The following DNHD1 variants were observed in gnomAD, a reference collection of about 807,000 sequenced individuals.
DNHD1 encodes the protein dynein heavy chain domain 1, also known as dynein heavy chain domain-containing protein 1.
In DNHD1, 383 loss-of-function variants were observed where a neutral mutation model predicts 458.1. The observed-to-expected ratio is 0.84, with a 90% CI of 0.77 to 0.91. The LOEUF is 0.91. DNHD1 is among the 40% of genes least tolerant of loss of function. DNHD1 has a pLI of 0.00. For missense variants in DNHD1, 5,336 were observed against 5,866.1 expected, an observed-to-expected ratio of 0.91 and a Z score of 2.95; for synonymous variants, 2,203 against 2,376.9, an observed-to-expected ratio of 0.93 and a Z score of 2.13.
At position 6,570,488 on chromosome 11, in the gene DNHD1, G is replaced by A. The variant is rs1376191873; in HGVS notation, c.13105+92G>A. The A allele has an allele frequency of 2.0e-6, 3 of 1,488,992 alleles. No individual in the cohort carries two copies. The African/African-American group carries it at 4.2e-5, about 21-fold the overall frequency. 92.2% of individuals were successfully genotyped at this position (1,488,992 alleles called of 1,614,324 possible). On this transcript the variant is annotated intron_variant, in intron 41 of 42. Transcript: ENST00000254579. Reference sequence around the variant, plus strand: ...AATGTGGACAGCAGTCTCAATAAAGGTATATGAGGGGGTAATATTCATACT... The same window carrying A: ...AATGTGGACAGCAGTCTCAATAAAGATATATGAGGGGGTAATATTCATACT...
At chr11:6,502,991 C>T (rs1852168305) in intron 4 of DNHD1, 65 bp downstream of exon 4, 1 of 1,570,994 alleles carries the variant, frequency 6.4e-7, no homozygotes, top group South Asian at 1.2e-5. Context: ...CTATCTTCCC[C>T]CTCCTCTTTC....
At chr11:6,539,739 C>T (rs979603183) in intron 17 of DNHD1, 137 bp from the exon 18 acceptor site, 16 of 766,872 alleles carry the variant, frequency 2.1e-5, no homozygotes, top group South Asian at 5.3e-5. Flanking sequence ...GTCCCACTCT[C>T]GCTTCATCTC....
Position 6,563,995 on chromosome 11 carries a change from G to A in DNHD1, c.10155G>A (p.Val3385=). 1.3e-6 allele frequency: 2 copies of A among 1,551,772 alleles called. No homozygotes were observed. Among genetic ancestry groups the A allele is most frequent in the East Asian group, 2.4e-5 (1 of 40,918 alleles). The stretch of plus-strand genomic sequence containing the variant: ...ATAATTTGGCCCTGGCTAAGATGGT[G>A]GAGGATGCCCAAGCTTCCCACAACT... The part of the protein sequence containing the change: ...LEHNLALAKM[V]EDAQASHNCV... The change falls in exon 31 of 43, where the codon GTG becomes GTA. Residue 3385 remains valine (V), a synonymous_variant. Transcript: ENST00000254579.
intron 24 of DNHD1, 69 bp from the exon 25 acceptor site, chr11:6,556,614 A>G: frequency 7.1e-7 from 1 of 1,411,308 alleles, no homozygotes; most frequent in Non-Finnish European, 9.5e-7. Context: ...TGGCAGGAAT[A>G]GAGGGAACAG....
rs777555724 is a variant in DNHD1, at chr11:6,546,920, C to T, written c.5981C>T (p.Ala1994Val). 103 of 1,551,378 alleles carry T rather than the reference C, an allele frequency of 6.6e-5. 1 individual carries two copies. Among genetic ancestry groups the T allele is most frequent in the Middle Eastern group, 1.7e-4 (1 of 6,014 alleles). ...RASGILLLGP[A>V]GSGKTTCWHS... ...TCAGGCATTCTGCTCCTGGGCCCTG[C>T]GGGCAGCGGCAAGACCACTTGTTGG... Residue 1994 changes from alanine to valine, a missense_variant, in exon 21 of 43, where the codon GCG (alanine) becomes GTG (valine). Around this residue, in one of 4 missense-constraint regions of DNHD1, gnomAD observed 3,932 missense variants for 4,365.6 expected, o/e 0.90. Coordinates refer to ENST00000254579, the MANE Select transcript of DNHD1 (RefSeq NM_144666.3).
intron 25 of DNHD1, 37 bp from the exon 26 acceptor site, chr11:6,558,448 G>T (rs1853516451): frequency 6.5e-7 from 1 of 1,549,668 alleles, no homozygotes; most frequent in Admixed American, 2.0e-5. Context: ...GCAAGCAAAG[G>T]TAAAGGGGAG....
At position 6,547,117 on chromosome 11, in the gene DNHD1, C is replaced by T. The variant is rs377594129; in HGVS notation, c.6178C>T (p.Arg2060Cys). 21 of 1,551,620 alleles carry T rather than the reference C, an allele frequency of 1.4e-5. No homozygotes were observed. Among genetic ancestry groups the T allele is most frequent in the Non-Finnish European group, 1.7e-5 (19 of 1,147,018 alleles). The change falls in exon 21 of 43, where the codon CGT (arginine) becomes TGT (cysteine). Residue 2060 changes from arginine (R) to cysteine (C), a missense_variant. Transcript: ENST00000254579. ...WHHGIFPKVL[R>C]AAGQCNNMGQ... ...TCATGGCATCTTTCCCAAGGTACTT[C>T]GTGCAGCCGGTCAGTGTAACAACAT...
intron 10 of DNHD1, among the ~76,000 whole-genome samples, chr11:6,521,397 C>A (rs545439528): frequency 1.1e-4 from 17 of 152,246 alleles, no homozygotes; most frequent in African/African-American, 4.1e-4. Context: ...CAACCTCTTG[C>A]ATTTTTATTC....
Position 6,570,764 on chromosome 11 carries a change from C to A in DNHD1, c.13252C>A (p.Gln4418Lys). ...GAGTCGCGCTCTCTTGAGTGCGCTG[C>A]AGCGGAGTTCACCCGTGTGGGTTCC... ...RQSRALLSAL[Q>K]RSSPVWVPES... Residue 4418 changes from glutamine (Q) to lysine (K), a missense_variant, in exon 42 of 43, where the codon CAG becomes AAG. Gln to Lys is a moderately conservative substitution (Grantham distance 53, BLOSUM62 1). Coordinates refer to ENST00000254579, the MANE Select transcript of DNHD1 (RefSeq NM_144666.3). 2 of 1,612,748 alleles carry A rather than the reference C, an allele frequency of 1.2e-6. No homozygotes were observed. Among genetic ancestry groups the A allele is most frequent in the Non-Finnish European group, 1.7e-6 (2 of 1,179,358 alleles).
Position 6,548,795 on chromosome 11 carries a change from T to G in DNHD1, c.7249T>G (p.Phe2417Val). 1 of 1,551,648 alleles carries G rather than the reference T, an allele frequency of 6.4e-7. No homozygotes were observed. Among genetic ancestry groups the G allele is most frequent in the South Asian group, 1.2e-5 (1 of 84,056 alleles). ...CATATACAGCCCCATCCACCCTGCC[T>G]TCAGTTCCTCCCACCTCCGTCTCCT... ...PYIYSPIHPA[F>V]SSSHLRLLLS... The change falls in exon 24 of 43, where the codon TTC becomes GTC. Residue 2417 changes from phenylalanine (F) to valine (V), a missense_variant. Transcript: ENST00000254579. This position sits in a 1 kb window ranked among gnomAD's most constrained non-coding sequence, Gnocchi z 4.4.
chr11:6,514,006 A>G (rs1184169067), intron 7 of DNHD1, among the ~76,000 whole-genome samples: 5 of 151,534 alleles, frequency 3.3e-5, no homozygotes, highest in African/African-American at 9.7e-5. Flanking sequence ...ACCACGCCCG[A>G]CTAATTTTTT....
At position 6,504,798 on chromosome 11, in the gene DNHD1, CA is replaced by C. The variant is rs1852198013; in HGVS notation, c.920+1873del. ...TCTTCATAACCCTGAGAGATACCAA[CA>C]CCAGCTGGTAGCCCCTTTCCTTCAG... On this transcript the variant is annotated intron_variant, in intron 4 of 42. Transcript: ENST00000254579. 2.0e-5 allele frequency among the ~76,000 whole-genome samples: 3 copies of C among 152,172 alleles called. No homozygotes were observed. In the South Asian group the frequency reaches 6.2e-4, roughly 32 times the overall value.
chr11:6,520,098 T>C lies in DNHD1; in HGVS notation c.1781T>C (p.Leu594Ser), dbSNP rs747712194. Residue 594 changes from leucine (L) to serine (S), a missense_variant, in exon 9 of 43, where the codon TTG becomes TCG. By Grantham distance (145) the Leu-to-Ser change is moderately radical. Around this residue, in one of 4 missense-constraint regions of DNHD1, gnomAD observed 3,932 missense variants for 4,365.6 expected, o/e 0.90. Coordinates refer to ENST00000254579, the MANE Select transcript of DNHD1 (RefSeq NM_144666.3). ...CTACAGTCTGTCAAGACCTCTGCCTTGCAGGTATTCTGAATTGGGCAGAGA... is the reference window on the plus strand; with the variant it reads ...CTACAGTCTGTCAAGACCTCTGCCTCGCAGGTATTCTGAATTGGGCAGAGA... ...GGLQSVKTSA[L>S]QVVQSADLKT... 11 of 1,614,092 alleles carry C rather than the reference T, an allele frequency of 6.8e-6. No individual in the cohort carries two copies. The highest frequency in any genetic ancestry group is 1.7e-5 in the Admixed American group (1 of 60,000).
Position 6,570,709 on chromosome 11 carries a change from G to T in DNHD1, c.13197G>T (p.Glu4399Asp). Residue 4399 changes from glutamate (E) to aspartate (D), a missense_variant, in exon 42 of 43, where the codon GAG (glutamate) becomes GAT (aspartate). Transcript: ENST00000254579. ...AACCCCGGCTCTGCGGACTGAGTGA[G>T]GGCCCCCAAGCCTGGCTGTTGCGAC... ...PPEPRLCGLSEGPQAWLLRRQ... is the reference protein window; with the variant it reads ...PPEPRLCGLSDGPQAWLLRRQ... 1 of 1,611,100 alleles carries T rather than the reference G, an allele frequency of 6.2e-7. No individual in the cohort carries two copies. Among genetic ancestry groups the T allele is most frequent in the South Asian group, 1.1e-5 (1 of 90,452 alleles).
chr11:6,556,832 C>A lies in DNHD1; in HGVS notation c.7537C>A (p.Pro2513Thr). 6.4e-7 allele frequency: 1 copy of A among 1,551,658 alleles called. No individual in the cohort carries two copies. The highest frequency in any genetic ancestry group is 1.2e-5 in the South Asian group (1 of 84,050). The change falls in exon 25 of 43, where the codon CCA becomes ACA. Residue 2513 changes from proline (P) to threonine (T), a missense_variant. Coordinates refer to ENST00000254579, the MANE Select transcript of DNHD1 (RefSeq NM_144666.3). ...CACAGTGCCAGGATACTGTGAGCGC[C>A]CACTGTGTCCACGCCTCTTTCGACT... is the stretch of plus-strand genomic sequence containing the variant. Reference protein sequence around the residue: ...TVTVPGYCERPLCPRLFRLFT... With the variant: ...TVTVPGYCERTLCPRLFRLFT...
At chr11:6,532,128 T>C (rs572793800) in intron 12 of DNHD1, among the ~76,000 whole-genome samples, 35 of 152,372 alleles carry the variant, frequency 2.3e-4, no homozygotes, top group Admixed American at 1.0e-3. Context: ...GAAAGCACTC[T>C]ATACTCTATT....
chr11:6,566,220 G>A, intron 33 of DNHD1, 21 bp from the exon 34 acceptor site: 1 of 1,549,644 alleles, frequency 6.5e-7, no homozygotes, highest in South Asian at 1.2e-5. Flanking sequence ...TGGGTAGGGT[G>A]CCTTTGCCTC....
chr11:6,541,419 C>T (rs921812596), intron 18 of DNHD1, among the ~76,000 whole-genome samples: 5 of 152,176 alleles, frequency 3.3e-5, no homozygotes, highest in East Asian at 1.9e-4. Context: ...ATTCTTAGTG[C>T]GCACACACTT....
At chr11:6,517,088 C>T (rs1202239320) in intron 7 of DNHD1, among the ~76,000 whole-genome samples, 4 of 152,188 alleles carry the variant, frequency 2.6e-5, no homozygotes, top group Admixed American at 1.3e-4. Flanking sequence ...AGGGCTCAGT[C>T]CTCATAGGTG....
Sources: gnomAD v4.1 joint callset for allele counts (sites outside exome capture counted in the v4.1 genomes callset) on GRCh38, gnomAD v4.1.1 for gene constraint, gnomAD v4.1.1 regional missense constraint, Gnocchi (gnomAD v3.1) non-coding constraint, MANE v1.5 for transcripts, NCBI Gene and HGNC (gene_info 2026-07-23, HGNC 2026-07-21) for gene names.